Variants in ADAM33 observed in about 807,000 individuals in gnomAD.
ADAM33 encodes the protein ADAM metallopeptidase domain 33.
ADAM33 carries 103 observed loss-of-function variants against 106.2 expected under a neutral mutation model. The observed-to-expected ratio is 0.97, with a 90% CI of 0.83 to 1.14. ADAM33 has a LOEUF of 1.14. Ranked by LOEUF, ADAM33 falls within the 50% of genes most tolerant of loss-of-function variation. ADAM33 has a pLI of 0.00. For missense variants in ADAM33, 1,120 were observed against 1,096.6 expected (o/e 1.02, Z -0.30); for synonymous variants, 483 against 453.0 (o/e 1.07, Z -0.84).
intron 11 of ADAM33, chr20:3,673,115 G>T (rs1221935869): frequency 1.1e-5 from 16 of 1,458,040 alleles, no homozygotes; most frequent in Non-Finnish European, 1.4e-5. Context: ...ACCCGACGGT[G>T]CTCCTCCCGG....
intron 19 of ADAM33, chr20:3,670,052 A>C (rs1320813954): frequency 6.3e-6 from 2 of 317,476 alleles, no homozygotes; most frequent in Non-Finnish European, 1.2e-5. Flanking sequence ...CCATCCCCCA[A>C]GGCCTTGTCA....
In ADAM33 at chr20:3,674,800, A is replaced by G. The variant is rs1043716177; in HGVS notation, c.383T>C (p.Val128Ala). The change falls in exon 5 of 22, where the codon GTA becomes GCA. Residue 128 changes from valine (V) to alanine (A), a missense_variant. By Grantham distance (64) the Val-to-Ala change is moderately conservative. Transcript: ENST00000356518. ...GRVRGFPDSWVVLCTCSGMSG... is the reference protein window; with the variant it reads ...GRVRGFPDSWAVLCTCSGMSG... ...CATCCCAGAGCAGGTGCAGAGGACTACCCAGGAGTCGGGGAAGCCCCTTAC... is the reference window on the plus strand; with the variant it reads ...CATCCCAGAGCAGGTGCAGAGGACTGCCCAGGAGTCGGGGAAGCCCCTTAC... The G allele has an allele frequency of 6.8e-6, 11 of 1,610,956 alleles. No homozygotes were observed. The highest frequency in any genetic ancestry group is 1.7e-5 in the Admixed American group (1 of 59,794).
chr20:3,672,796 T>C lies in ADAM33; in HGVS notation c.1236A>G (p.Gly412=). 1.9e-6 allele frequency: 3 copies of C among 1,570,626 alleles called. No individual in the cohort carries two copies. The highest frequency in any genetic ancestry group is 2.6e-6 in the Non-Finnish European group (3 of 1,159,614). ...CGCAGAGCGCCGGCGGCACCGGGAG[T>C]CCGGGGTCCGGGGCATTGGAGAGGC... The part of the protein sequence containing the change: ...GACLSNAPDP[G]LPVPPALCGN... The change falls in exon 12 of 22, where the codon GGA becomes GGG. Residue 412 remains glycine, a synonymous_variant. Coordinates refer to ENST00000356518, the MANE Select transcript of ADAM33 (RefSeq NM_025220.5).
Position 3,671,720 on chromosome 20 carries a change from T to G in ADAM33, c.1766A>C (p.His589Pro). The G allele has an allele frequency of 1.9e-6, 3 of 1,586,694 alleles. No individual in the cohort carries two copies. Among genetic ancestry groups the G allele is most frequent in the South Asian group, 2.3e-5 (2 of 87,090 alleles). ...QGGKPSLLAP[H>P]MVPVDSTVHL... Reference sequence around the variant, plus strand: ...AACGGTAGAGTCCACTGGCACCATGTGCGGTGCGAGCAGGCTGGGCTTTCC... The same window carrying G: ...AACGGTAGAGTCCACTGGCACCATGGGCGGTGCGAGCAGGCTGGGCTTTCC... The change falls in exon 16 of 22, where the codon CAC becomes CCC. Residue 589 changes from histidine to proline, a missense_variant. Coordinates refer to ENST00000356518, the MANE Select transcript of ADAM33 (RefSeq NM_025220.5).
chr20:3,676,655 T>G (rs1255789638), intron 3 of ADAM33, among the ~76,000 whole-genome samples: 1 of 152,104 alleles, frequency 6.6e-6, no homozygotes, highest in East Asian at 1.9e-4. Context: ...GCAAGGCTGG[T>G]CTCAAACTCC....
At chr20:3,669,483 G>A in intron 20 of ADAM33, 63 bp downstream of exon 20, 1 of 1,542,140 alleles carries the variant, frequency 6.5e-7, no homozygotes, top group South Asian at 1.2e-5. Context: ...CTGGAAGGAG[G>A]CAGGAGGCAT....
rs11908384 is a variant in ADAM33 at position 3,672,576 on chromosome 20, C to T, written c.1362G>A (p.Gly454=). Residue 454 remains glycine, a synonymous_variant, in exon 13 of 22, where the codon GGG becomes GGA. Coordinates refer to ENST00000356518, the MANE Select transcript of ADAM33 (RefSeq NM_025220.5). ...CFAHNCSLRP[G]AQCAHGDCCV... is the part of the protein sequence containing the mutation. ...AGCAGTCCCCGTGGGCGCACTGGGC[C>T]CCCGGGCGCAGCGAGCAGTTGTGAG... 3,185 of 1,613,558 alleles carry T rather than the reference C, an allele frequency of 2.0e-3. 68 individuals carry two copies. The African/African-American group carries it at 0.035, about 18-fold the overall frequency.
Position 3,677,061 on chromosome 20 carries a change from A to C in ADAM33, c.254+6T>G. The stretch of plus-strand genomic sequence containing the variant: ...CCTCCCAGCCCTACCCCAGCCTGGC[A>C]CTCACTGGTTCTTCTCCAGCTCAAG... On this transcript the variant is annotated splice_donor_region_variant and intron_variant, in intron 3 of 21. Transcript: ENST00000356518. 1 of 1,612,210 alleles carries C rather than the reference A, an allele frequency of 6.2e-7. No individual in the cohort carries two copies.
rs1193059915 is a variant in ADAM33, at chr20:3,679,499, T to G, written c.170A>C (p.Glu57Ala). The change falls in exon 2 of 22, where the codon GAG (glutamate) becomes GCG (alanine). Residue 57 changes from glutamate to alanine, a missense_variant. Transcript: ENST00000356518. The part of the protein sequence containing the change: ...DGQPWRTVSL[E>A]EPVSKPDMGL... The stretch of plus-strand genomic sequence containing the variant: ...GGGAGACATGGCACTGACCGGCTCC[T>G]CCAGGCTGACGGTGCGCCAGGGTTG... 1.9e-6 allele frequency: 3 copies of G among 1,607,988 alleles called. No homozygotes were observed. In the African/African-American group the frequency reaches 4.0e-5, roughly 21 times the overall value.
chr20:3,669,678 T>A, intron 19 of ADAM33, 41 bp from the exon 20 acceptor site: 2 of 1,555,042 alleles, frequency 1.3e-6, no homozygotes, highest in South Asian at 1.2e-5. Context: ...GGCACAGTGA[T>A]CCTGAGTGGG....
intron 13 of ADAM33, 68 bp from the exon 14 acceptor site, chr20:3,672,397 G>T: frequency 6.3e-7 from 1 of 1,582,406 alleles, no homozygotes; most frequent in Non-Finnish European, 8.6e-7. Context: ...CATGCCGAGA[G>T]CGCGGCTCGG....
At position 3,671,220 on chromosome 20, in the gene ADAM33, G is replaced by GC; in HGVS notation, c.2092+16dup. Reference sequence around the variant, plus strand: ...GCACCACCCCAGCTCCTGCCCACATGCCCCCCACTGGCATACTTTCAGCCT... The same window carrying GC: ...GCACCACCCCAGCTCCTGCCCACATGCCCCCCCACTGGCATACTTTCAGCCT... On this transcript the variant is annotated intron_variant, in intron 18 of 21. Coordinates refer to ENST00000356518, the MANE Select transcript of ADAM33 (RefSeq NM_025220.5). 3 of 1,613,216 alleles carry GC rather than the reference G, an allele frequency of 1.9e-6. No homozygotes were observed. The highest frequency in any genetic ancestry group is 1.1e-5 in the South Asian group (1 of 91,058).
chr20:3,675,128 A>T lies in ADAM33; in HGVS notation c.255-23T>A, dbSNP rs375345734. ...CTGCTGAGAGGGGGTGTTACAGGGA[A>T]CACTGAATTCAGCTTCCTCCTGCCT... On this transcript the variant is annotated intron_variant, in intron 3 of 21. Transcript: ENST00000356518. This position sits in a 1 kb window ranked among gnomAD's most constrained non-coding sequence, Gnocchi z 4.1. The T allele has an allele frequency of 8.8e-6, 14 of 1,583,666 alleles. No homozygotes were observed. The highest frequency in any genetic ancestry group is 1.2e-5 in the Non-Finnish European group (14 of 1,155,206).
intron 13 of ADAM33, 43 bp from the exon 14 acceptor site, chr20:3,672,372 G>T (rs762168627): frequency 6.2e-7 from 1 of 1,601,324 alleles, no homozygotes; most frequent in East Asian, 2.2e-5. Flanking sequence ...GAGAGGCCAC[G>T]TGCAGTGAGA....
chr20:3,671,209 C>T (rs371168363), intron 18 of ADAM33, 28 bp downstream of exon 18: 15 of 1,612,952 alleles, frequency 9.3e-6, no homozygotes, highest in African/African-American at 1.3e-5. Context: ...CACCCCAGCT[C>T]CTGCCCACAT....
At chr20:3,673,042 A>T in intron 11 of ADAM33, 144 bp from the exon 12 acceptor site, 1 of 1,435,314 alleles carries the variant, frequency 7.0e-7, no homozygotes, top group Non-Finnish European at 9.1e-7. Context: ...GTCACACAAC[A>T]AGCGGGACAG....
rs1447081572 is a variant in ADAM33 at position 3,674,142 on chromosome 20, A to G, written c.667-7T>C. 3 of 1,614,198 alleles carry G rather than the reference A, an allele frequency of 1.9e-6. No homozygotes were observed. The highest frequency in any genetic ancestry group is 2.5e-6 in the Non-Finnish European group (3 of 1,180,028). ...TTCGGTGCCGAGTCAAGAACTGGGA[A>G]GGCAGAAATCCCGGTGGCTTGAGGG... On this transcript the variant is annotated splice_polypyrimidine_tract_variant and splice_region_variant and intron_variant, in intron 7 of 21. Coordinates refer to ENST00000356518, the MANE Select transcript of ADAM33 (RefSeq NM_025220.5).
Position 3,675,205 on chromosome 20 carries a change from A to G in ADAM33, c.255-100T>C. ...CCCTAAATGCTAATGGAGCAGCTTTATGAGTGAGACACTCACAGTGTGTCT... is the reference window on the plus strand; with the variant it reads ...CCCTAAATGCTAATGGAGCAGCTTTGTGAGTGAGACACTCACAGTGTGTCT... On this transcript the variant is annotated intron_variant, in intron 3 of 21. Transcript: ENST00000356518. This position sits in a 1 kb window ranked among gnomAD's most constrained non-coding sequence, Gnocchi z 4.1. 1.2e-6 allele frequency: 1 copy of G among 858,608 alleles called. No homozygotes were observed. Among genetic ancestry groups the G allele is most frequent in the Non-Finnish European group, 1.9e-6 (1 of 530,912 alleles). The allele number at this position is 858,608 out of a possible 1,614,324, so 53.2% of individuals were successfully genotyped here. A position where few individuals can be genotyped will look rare whatever the true frequency, so the allele number is the denominator to read the frequency against.
chr20:3,669,515 C>T (rs569674835), intron 20 of ADAM33, 31 bp downstream of exon 20: 2 of 1,553,578 alleles, frequency 1.3e-6, no homozygotes, highest in African/African-American at 2.7e-5. Flanking sequence ...TTCTCCCTTC[C>T]CTCTCCACCT....
Sources: allele counts gnomAD v4.1 joint callset (sites outside exome capture counted in the v4.1 genomes callset), GRCh38; gene constraint gnomAD v4.1.1; non-coding constraint Gnocchi (gnomAD v3.1); transcripts MANE v1.5; gene names NCBI Gene and HGNC (gene_info 2026-07-23, HGNC 2026-07-21).